TBX19: variants seen among roughly 807,000 people sequenced by gnomAD.
TBX19 encodes the protein T-box transcription factor 19.
A neutral mutation model predicts 40.9 loss-of-function variants in TBX19; 33 were observed. The ratio of observed to expected loss-of-function variants is 0.81; its 90% CI spans 0.61 to 1.08. The LOEUF (loss-of-function observed/expected upper bound fraction) is 1.08. TBX19 is among the 50% of genes least tolerant of loss of function. The pLI is 0.00. For synonymous variants in TBX19, 220 were observed against 225.0 expected (o/e 0.98, Z 0.20); for missense variants, 494 against 574.0 (o/e 0.86, Z 1.42).
chr1:168,310,973 ATAT>A (rs949056883), intron 7 of TBX19, among the ~76,000 whole-genome samples: 3 of 150,820 alleles, frequency 2.0e-5, no homozygotes, highest in Non-Finnish European at 4.4e-5. Flanking sequence ...GTTAAATAAA[ATAT>A]TAATAAATTA....
intron 1 of TBX19, among the ~76,000 whole-genome samples, chr1:168,285,036 A>C (rs1006233846): frequency 1.3e-5 from 2 of 152,122 alleles, no homozygotes; most frequent in South Asian, 2.1e-4. Flanking sequence ...CATCAGGCCA[A>C]TACATTTCCA....
rs201229924 is a variant in TBX19 at position 168,298,544 on chromosome 1, G to A, written c.665+759G>A. Among the ~76,000 whole-genome samples the A allele has an allele frequency of 1.6e-4, 24 of 152,214 alleles. No homozygotes were observed. The East Asian group carries it at 3.7e-3, about 23-fold the overall frequency. On this transcript the variant is annotated intron_variant, in intron 4 of 7. Coordinates refer to ENST00000367821, the MANE Select transcript of TBX19 (RefSeq NM_005149.3). Reference sequence around the variant, plus strand: ...GAAAAGAAGTCGGAGACTTCTGGGGGTATGAGTGATGATTCTGCTACTTCG... The same window carrying A: ...GAAAAGAAGTCGGAGACTTCTGGGGATATGAGTGATGATTCTGCTACTTCG...
rs146602640 is a variant in TBX19 at position 168,308,819 on chromosome 1, C to A, written c.994C>A (p.Pro332Thr). 4 of 1,614,036 alleles carry A rather than the reference C, an allele frequency of 2.5e-6. No individual in the cohort carries two copies. Among genetic ancestry groups the A allele is most frequent in the African/African-American group, 2.7e-5 (2 of 74,898 alleles). Residue 332 changes from proline (P) to threonine (T), a missense_variant, in exon 7 of 8, where the codon CCC becomes ACC. Physicochemically the swap from Pro to Thr is conservative, Grantham distance 38. Coordinates refer to ENST00000367821, the MANE Select transcript of TBX19 (RefSeq NM_005149.3). ...PDSWTSLSST[P>T]HASILSVPHT... is the part of the protein sequence containing the mutation. The stretch of plus-strand genomic sequence containing the variant: ...CAGCTGGACTTCCTTATCCTCCACA[C>A]CCCATGCCAGCATCCTGTCTGTACC...
intron 4 of TBX19, among the ~76,000 whole-genome samples, chr1:168,299,990 G>C (rs955095834): frequency 2.6e-5 from 4 of 152,110 alleles, no homozygotes; most frequent in African/African-American, 9.7e-5. Context: ...GCATAAGTCA[G>C]TTTACCTCCT....
In TBX19 at chr1:168,289,048, T is replaced by C. The variant is rs115369219; in HGVS notation, c.204-2112T>C. On this transcript the variant is annotated intron_variant, in intron 1 of 7. Transcript: ENST00000367821. ...ATTATACACATGCCACTCTTGTGTT[T>C]TCTTTAAAATAATATAAAAAGTAAA... 6.4e-3 allele frequency among the ~76,000 whole-genome samples: 970 copies of C among 152,326 alleles called. 11 individuals are homozygous for C. Among genetic ancestry groups the C allele is most frequent in the African/African-American group, 0.022 (923 of 41,568 alleles).
chr1:168,288,243 A>G (rs1023709069), intron 1 of TBX19, among the ~76,000 whole-genome samples: 1 of 152,210 alleles, frequency 6.6e-6, no homozygotes, highest in Admixed American at 6.6e-5. Context: ...TACGTAATAC[A>G]ATGTTAATGC....
intron 6 of TBX19, among the ~76,000 whole-genome samples, chr1:168,305,972 C>T (rs1649395024): frequency 6.6e-6 from 1 of 152,294 alleles, no homozygotes; most frequent in East Asian, 1.9e-4. Flanking sequence ...CCTGCCCTTA[C>T]GGAGATTCTA....
intron 5 of TBX19, among the ~76,000 whole-genome samples, chr1:168,303,806 T>C (rs1649339168): frequency 6.6e-6 from 1 of 152,226 alleles, no homozygotes; most frequent in Non-Finnish European, 1.5e-5. Context: ...TTCCTGACAT[T>C]GCCATGGCAT....
At chr1:168,295,987 C>A (rs1649094939) in intron 3 of TBX19, among the ~76,000 whole-genome samples, 1 of 152,198 alleles carries the variant, frequency 6.6e-6, no homozygotes, top group Non-Finnish European at 1.5e-5. Flanking sequence ...ATCTCCCGGC[C>A]TGACTCGCTA....
rs1257214831 is a variant in TBX19 at position 168,312,734 on chromosome 1, G to A, written c.1079G>A (p.Ser360Asn). 9 of 1,613,650 alleles carry A rather than the reference G, an allele frequency of 5.6e-6. No individual in the cohort carries two copies. The highest frequency in any genetic ancestry group is 7.6e-6 in the Non-Finnish European group (9 of 1,180,046). Residue 360 changes from serine (S) to asparagine (N), a missense_variant, in exon 8 of 8, where the codon AGC becomes AAC. Around this residue, in one of 3 missense-constraint regions of TBX19, gnomAD observed 284 missense variants for 307.3 expected, o/e 0.92. Coordinates refer to ENST00000367821, the MANE Select transcript of TBX19 (RefSeq NM_005149.3). ...CCCTACCCGTGCCTGTGGACCATCA[G>A]CAATGGTGCCGGAGGCCCCAGTGGG... ...PSPYPCLWTI[S>N]NGAGGPSGPG...
At position 168,313,084 on chromosome 1, in the gene TBX19, C is replaced by G; in HGVS notation, c.*82C>G. On this transcript the variant is annotated 3_prime_UTR_variant, in exon 8 of 8. Transcript: ENST00000367821. ...AACCCCATCAACTGATCTAGTGAGT[C>G]AGACTGTGGAATCTCCCTTCCCACT... 1 of 1,544,782 alleles carries G rather than the reference C, an allele frequency of 6.5e-7. No homozygotes were observed. The highest frequency in any genetic ancestry group is 1.4e-5 in the African/African-American group (1 of 73,566).
At chr1:168,285,614 G>C (rs1648785414) in intron 1 of TBX19, among the ~76,000 whole-genome samples, 1 of 152,220 alleles carries the variant, frequency 6.6e-6, no homozygotes, top group Non-Finnish European at 1.5e-5. Flanking sequence ...TTCTTGAGGA[G>C]TGCTTATTTA....
chr1:168,293,290 TGTGTGTGTGTGTGTGTGTG>T lies in TBX19; in HGVS notation c.603+13_603+31del, dbSNP rs1648997040. ...ATCAGAATGAGGAGGTAAGAGTGTG[TGTGTGTGTGTGTGTGTGTG>T]TGTGTGTGTGTGTGTGTAACTGTCA... On this transcript the variant is annotated intron_variant, in intron 3 of 7. Coordinates refer to ENST00000367821, the MANE Select transcript of TBX19 (RefSeq NM_005149.3). 7.3e-7 allele frequency: 1 copy of T among 1,370,634 alleles called. No individual in the cohort carries two copies. Among genetic ancestry groups the T allele is most frequent in the Non-Finnish European group, 9.9e-7 (1 of 1,008,334 alleles). The allele number at this position is 1,370,634 out of a possible 1,614,324, so 84.9% of individuals were successfully genotyped here.
chr1:168,296,970 A>T (rs1352449261), intron 3 of TBX19, among the ~76,000 whole-genome samples: 2 of 152,246 alleles, frequency 1.3e-5, no homozygotes, highest in Admixed American at 6.5e-5. Context: ...ATATTGTTCT[A>T]GATGCTGGAA....
At chr1:168,281,682 A>G (rs1420514602) in intron 1 of TBX19, among the ~76,000 whole-genome samples, 1 of 152,226 alleles carries the variant, frequency 6.6e-6, no homozygotes, top group Non-Finnish European at 1.5e-5. Flanking sequence ...TTTATTTGGA[A>G]GCTGGATGAT....
At chr1:168,281,472 A>T (rs1648648070) in intron 1 of TBX19, among the ~76,000 whole-genome samples, 179 bp downstream of exon 1, 1 of 152,208 alleles carries the variant, frequency 6.6e-6, no homozygotes, top group African/African-American at 2.4e-5. Flanking sequence ...TTTATCTGAG[A>T]TCATCAGAGG....
chr1:168,298,963 G>T (rs2102358407), intron 4 of TBX19, among the ~76,000 whole-genome samples: 1 of 142,836 alleles, frequency 7.0e-6, no homozygotes, highest in Admixed American at 7.2e-5. Context: ...GACAGAGTCA[G>T]GCTGGAGTGG....
At chr1:168,304,492 G>A (rs1161519951) in intron 5 of TBX19, among the ~76,000 whole-genome samples, 2 of 152,194 alleles carry the variant, frequency 1.3e-5, no homozygotes, top group African/African-American at 2.4e-5. Context: ...GTTATCTGCA[G>A]GAGTAATTGG....
chr1:168,303,784 G>A (rs143880497), intron 5 of TBX19, among the ~76,000 whole-genome samples: 5 of 152,110 alleles, frequency 3.3e-5, no homozygotes, highest in African/African-American at 9.7e-5. Flanking sequence ...TTTTTAGACC[G>A]CATAGGGTAA....
Sources: gnomAD v4.1 joint callset for allele counts (sites outside exome capture counted in the v4.1 genomes callset) on GRCh38, gnomAD v4.1.1 for gene constraint, gnomAD v4.1.1 regional missense constraint, MANE v1.5 for transcripts, NCBI Gene and HGNC (gene_info 2026-07-23, HGNC 2026-07-21) for gene names.